The following P3H3 variants were observed in gnomAD, a reference collection of about 807,000 sequenced individuals.
P3H3 encodes the protein prolyl 3-hydroxylase 3.
P3H3 carries 64 observed loss-of-function variants against 78.1 expected under a neutral mutation model. The ratio of observed to expected loss-of-function variants is 0.82; its 90% CI spans 0.67 to 1.01. The LOEUF is 1.01. Among genes scored for constraint, P3H3 ranks in the 50% least tolerant of loss-of-function variants. The pLI, the probability that P3H3 is intolerant of heterozygous loss-of-function variation, is 0.00. For synonymous variants in P3H3, 425 were observed against 416.7 expected (o/e 1.02, Z -0.24); for missense variants, 975 against 982.2 (o/e 0.99, Z 0.10).
chr12:6,835,952 G>A (rs1943491781), intron 9 of P3H3, among the ~76,000 whole-genome samples: 2 of 152,110 alleles, frequency 1.3e-5, no homozygotes, highest in Admixed American at 1.3e-4. Flanking sequence ...GTTGGCTGGC[G>A]AGGTGGCTCA....
At chr12:6,833,174 C>CA (rs57496495) in intron 6 of P3H3, among the ~76,000 whole-genome samples, 60,954 of 151,424 alleles carry the variant, frequency 0.4, 12,328 homozygotes, top group East Asian at 0.51. Flanking sequence ...GACTCCGTCT[C>CA]AAAAAAACAA....
In P3H3 at chr12:6,829,852, T is replaced by G. The variant is rs1555121024; in HGVS notation, c.499-7T>G. The stretch of plus-strand genomic sequence containing the variant: ...GCTCTGATGCCCTCCTCCCTTCGCC[T>G]CCTCAGTTGAAGAAGCTGGATCTGG... On this transcript the variant is annotated splice_region_variant and splice_polypyrimidine_tract_variant and intron_variant, in intron 1 of 14. Coordinates refer to ENST00000290510, the MANE Select transcript of P3H3 (RefSeq NM_014262.5). This position sits in a 1 kb window ranked among gnomAD's most constrained non-coding sequence, Gnocchi z 5.1. 1.9e-6 allele frequency: 3 copies of G among 1,613,740 alleles called. No individual in the cohort carries two copies. Among genetic ancestry groups the G allele is most frequent in the East Asian group, 2.2e-5 (1 of 44,878 alleles).
chr12:6,833,682 G>A, intron 7 of P3H3, 38 bp downstream of exon 7: 1 of 1,606,822 alleles, frequency 6.2e-7, no homozygotes, highest in Non-Finnish European at 8.5e-7. Flanking sequence ...CTTGGCCCGA[G>A]CTGGGAGGCT....
chr12:6,831,927 A>T lies in P3H3; in HGVS notation c.1212+13A>T. ...CTTCAAGGATCCTGTGAGTCACTCC[A>T]CTTCTGCCCATCTCACCCCTCCGCA... On this transcript the variant is annotated intron_variant, in intron 6 of 14. Coordinates refer to ENST00000290510, the MANE Select transcript of P3H3 (RefSeq NM_014262.5). The surrounding 1 kb of genome is among the most constrained non-coding windows in gnomAD (Gnocchi z 4.6). 1 of 1,507,070 alleles carries T rather than the reference A, an allele frequency of 6.6e-7. No homozygotes were observed. Among genetic ancestry groups the T allele is most frequent in the Non-Finnish European group, 9.2e-7 (1 of 1,088,854 alleles). The allele number at this position is 1,507,070 out of a possible 1,614,324, so 93.4% of individuals were successfully genotyped here.
In P3H3 at chr12:6,838,044, T is replaced by TG. The variant is rs782392690; in HGVS notation, c.1905+17dup. The TG allele has an allele frequency of 1.3e-4, 201 of 1,592,478 alleles. No homozygotes were observed. The highest frequency in any genetic ancestry group is 1.6e-4 in the Non-Finnish European group (184 of 1,169,210). ...GCCCTCACTGTCACGGTGCGTGGAG[T>TG]GGGGGGTGTGACGGTGTGACAAAGG... On this transcript the variant is annotated intron_variant, in intron 13 of 14. Coordinates refer to ENST00000290510, the MANE Select transcript of P3H3 (RefSeq NM_014262.5).
intron 10 of P3H3, 56 bp from the exon 11 acceptor site, chr12:6,837,367 G>A (rs781815996): frequency 7.0e-6 from 11 of 1,562,070 alleles, no homozygotes; most frequent in South Asian, 2.3e-5. Context: ...GGCTAGGGCC[G>A]AGACCACCCT....
Position 6,831,269 on chromosome 12 carries a change from C to T in P3H3, c.1039C>T (p.Pro347Ser), listed in dbSNP as rs370891435. The change falls in exon 5 of 15, where the codon CCG (proline) becomes TCG (serine). Residue 347 changes from proline (P) to serine (S), a missense_variant. Physicochemically the swap from Pro to Ser is moderately conservative, Grantham distance 74. Coordinates refer to ENST00000290510, the MANE Select transcript of P3H3 (RefSeq NM_014262.5). This position sits in a 1 kb window ranked among gnomAD's most constrained non-coding sequence, Gnocchi z 4.6. ...TGTCCTGAGTGTCCTGCTCTTCTAC[C>T]CGGAGGATGAGGCTGCCAAGAGGGC... ...ENVLSVLLFY[P>S]EDEAAKRALN... The T allele has an allele frequency of 1.4e-4, 218 of 1,613,766 alleles. No individual in the cohort carries two copies. Among genetic ancestry groups the T allele is most frequent in the Non-Finnish European group, 1.8e-4 (211 of 1,179,856 alleles).
intron 9 of P3H3, among the ~76,000 whole-genome samples, chr12:6,834,359 G>A (rs1555121866): frequency 1.3e-5 from 2 of 152,200 alleles, no homozygotes; most frequent in Non-Finnish European, 2.9e-5. Flanking sequence ...TACTGGCTTG[G>A]CTGATGGCTC....
Position 6,830,942 on chromosome 12 carries a change from C to T in P3H3, c.985+172C>T, listed in dbSNP as rs1555121330. ...ATTTGCCCTCCTTTGGCGCCTGTGACAAGCTCAGGAGATGGGCTTCCTTCT... is the reference window on the plus strand; with the variant it reads ...ATTTGCCCTCCTTTGGCGCCTGTGATAAGCTCAGGAGATGGGCTTCCTTCT... On this transcript the variant is annotated intron_variant, in intron 4 of 14. Transcript: ENST00000290510. 6.1e-6 allele frequency: 6 copies of T among 976,198 alleles called. No individual in the cohort carries two copies. In the South Asian group the frequency reaches 6.8e-5, roughly 11 times the overall value. The allele number at this position is 976,198 out of a possible 1,614,324, so 60.5% of individuals were successfully genotyped here.
rs1555122767 is a variant in P3H3 at position 6,839,391 on chromosome 12, C to T, written c.2141C>T (p.Pro714Leu). The change falls in exon 15 of 15, where the codon CCC (proline) becomes CTC (leucine). Residue 714 changes from proline to leucine, a missense_variant. Transcript: ENST00000290510. The part of the protein sequence containing the change: ...EMPSKDPSPE[P>L]PSRRHQRVQD... Reference sequence around the variant, plus strand: ...CCCAGCAAAGACCCTTCCCCAGAGCCCCCTAGCCGCAGGCACCAGAGGGTC... The same window carrying T: ...CCCAGCAAAGACCCTTCCCCAGAGCTCCCTAGCCGCAGGCACCAGAGGGTC... 1.3e-6 allele frequency: 2 copies of T among 1,552,656 alleles called. No homozygotes were observed. Among genetic ancestry groups the T allele is most frequent in the African/African-American group, 1.4e-5 (1 of 73,178 alleles).
intron 8 of P3H3, 24 bp downstream of exon 8, chr12:6,833,833 C>T: frequency 6.2e-7 from 1 of 1,611,976 alleles, no homozygotes. Flanking sequence ...AGGGAGAAGG[C>T]AGGAGCCTGG....
rs782754375 is a variant in P3H3, at chr12:6,833,734, C to G, written c.1266-8C>G. 1 of 1,598,000 alleles carries G rather than the reference C, an allele frequency of 6.3e-7. No homozygotes were observed. Among genetic ancestry groups the G allele is most frequent in the African/African-American group, 1.3e-5 (1 of 74,598 alleles). On this transcript the variant is annotated splice_polypyrimidine_tract_variant and splice_region_variant and intron_variant, in intron 7 of 14. Transcript: ENST00000290510. The stretch of plus-strand genomic sequence containing the variant: ...GGGCACCCACTGAGCGCATCTCTCA[C>G]CCCTGAGAGAGGATCAAGAGAAGAG...
rs368859867 is a variant in P3H3, at chr12:6,831,358, C to A, written c.1122+6C>A. 1.2e-6 allele frequency: 2 copies of A among 1,613,472 alleles called. No homozygotes were observed. The highest frequency in any genetic ancestry group is 2.2e-5 in the East Asian group (1 of 44,862). On this transcript the variant is annotated splice_donor_region_variant and intron_variant, in intron 5 of 14. Transcript: ENST00000290510. The surrounding 1 kb of genome is among the most constrained non-coding windows in gnomAD (Gnocchi z 4.6). ...CTGGCCTCGGACCCAGAGAGGTAAT[C>A]CCCTCTCCACGCTCACCTGGGAGGT...
In P3H3 at chr12:6,839,062, T is replaced by C. The variant is rs375677717; in HGVS notation, c.1968T>C (p.His656=). Residue 656 remains histidine (H), a synonymous_variant, in exon 14 of 15, where the codon CAT becomes CAC. Transcript: ENST00000290510. ...VAFSSGVENP[H]GVWAVTRGRR... ...TCAGCTCCGGTGTCGAGAATCCCCA[T>C]GGGGTGTGGGCCGTGACTCGGGGAC... 32 of 1,611,756 alleles carry C rather than the reference T, an allele frequency of 2.0e-5. No homozygotes were observed. Among genetic ancestry groups the C allele is most frequent in the Non-Finnish European group, 2.5e-5 (29 of 1,179,356 alleles).
intron 4 of P3H3, 111 bp downstream of exon 4, chr12:6,830,881 G>C: frequency 6.8e-7 from 1 of 1,465,564 alleles, no homozygotes; most frequent in Non-Finnish European, 9.5e-7. Context: ...TTCACTGTCA[G>C]GGCTGCATGG....
rs1174115579 is a variant in P3H3 at position 6,831,535 on chromosome 12, C to T, written c.1122+183C>T. 2.6e-5 allele frequency among the ~76,000 whole-genome samples: 4 copies of T among 152,054 alleles called. No individual in the cohort carries two copies. The highest frequency in any genetic ancestry group is 5.9e-5 in the Non-Finnish European group (4 of 67,984). The stretch of plus-strand genomic sequence containing the variant: ...TGCTCCCCACGGCAGCCTGGAGTTC[C>T]GATTCCAGCCCTCAGCCCCGTCTCT... On this transcript the variant is annotated intron_variant, in intron 5 of 14. Transcript: ENST00000290510. This position sits in a 1 kb window ranked among gnomAD's most constrained non-coding sequence, Gnocchi z 4.6.
Position 6,837,983 on chromosome 12 carries a change from T to A in P3H3, c.1855T>A (p.Phe619Ile). 1 of 1,608,942 alleles carries A rather than the reference T, an allele frequency of 6.2e-7. No homozygotes were observed. Among genetic ancestry groups the A allele is most frequent in the Non-Finnish European group, 8.5e-7 (1 of 1,177,532 alleles). ...CGGACTCCTCTACCTCAACGATGAC[T>A]TCCAGGGTGGGGACCTGTTCTTCAC... Reference protein sequence around the residue: ...YSGLLYLNDDFQGGDLFFTEP... With the variant: ...YSGLLYLNDDIQGGDLFFTEP... Residue 619 changes from phenylalanine to isoleucine, a missense_variant, in exon 13 of 15, where the codon TTC (phenylalanine) becomes ATC (isoleucine). Coordinates refer to ENST00000290510, the MANE Select transcript of P3H3 (RefSeq NM_014262.5).
At position 6,836,968 on chromosome 12, in the gene P3H3, A is replaced by C. The variant is rs782012354; in HGVS notation, c.1459-17A>C. 3.7e-6 allele frequency: 6 copies of C among 1,600,214 alleles called. No homozygotes were observed. In the South Asian group the frequency reaches 6.6e-5, roughly 18 times the overall value. On this transcript the variant is annotated splice_polypyrimidine_tract_variant and intron_variant, in intron 9 of 14. Transcript: ENST00000290510. ...GGGCTGGGGGAGTGACTCCACGGTA[A>C]ACTCCTTCCTATTTAGGATGCAGCT... is the stretch of plus-strand genomic sequence containing the variant.
In P3H3 at chr12:6,829,778, T is replaced by A; in HGVS notation, c.499-81T>A. 1 of 1,488,680 alleles carries A rather than the reference T, an allele frequency of 6.7e-7. No homozygotes were observed. The highest frequency in any genetic ancestry group is 9.3e-7 in the Non-Finnish European group (1 of 1,075,138). 92.2% of individuals were successfully genotyped at this position (1,488,680 alleles called of 1,614,324 possible). A position where few individuals can be genotyped will look rare whatever the true frequency, so the allele number is the denominator to read the frequency against. On this transcript the variant is annotated intron_variant, in intron 1 of 14. Transcript: ENST00000290510. This position sits in a 1 kb window ranked among gnomAD's most constrained non-coding sequence, Gnocchi z 5.1. ...GGGCACCCAGAGTGTGTGTCTGGGG[T>A]AGGGTGGGGAGGCTGGCCAGGGGGC...
Sources: gnomAD v4.1 joint callset for allele counts (sites outside exome capture counted in the v4.1 genomes callset) on GRCh38, gnomAD v4.1.1 for gene constraint, Gnocchi (gnomAD v3.1) non-coding constraint, MANE v1.5 for transcripts, NCBI Gene and HGNC (gene_info 2026-07-23, HGNC 2026-07-21) for gene names.